Variants in ATAD2B observed in about 807,000 individuals in gnomAD.
ATAD2B encodes the protein ATPase family AAA domain containing 2B.
In ATAD2B, 40 loss-of-function variants were observed where a neutral mutation model predicts 167.6. The observed-to-expected ratio is 0.24, with a 90% CI of 0.19 to 0.31. ATAD2B has a LOEUF of 0.31. Among genes scored for constraint, ATAD2B ranks in the 10% least tolerant of loss-of-function variants. ATAD2B has a pLI of 1.00. For synonymous variants in ATAD2B, 579 were observed against 596.5 expected (o/e 0.97, Z 0.43); for missense variants, 1,242 against 1,757.2 (o/e 0.71, Z 5.24).
intron 13 of ATAD2B, among the ~76,000 whole-genome samples, chr2:23,850,374 G>A (rs1371043101): frequency 6.6e-6 from 1 of 152,090 alleles, no homozygotes; most frequent in Non-Finnish European, 1.5e-5. Flanking sequence ...GTGGGATGTA[G>A]CTAAAGCATT....
chr2:23,842,344 G>C (rs1459132836), intron 13 of ATAD2B, among the ~76,000 whole-genome samples: 1 of 152,030 alleles, frequency 6.6e-6, no homozygotes, highest in African/African-American at 2.4e-5. Context: ...TCTACTTGCA[G>C]GTTATAATAA....
At chr2:23,912,913 T>C (rs1479577594) in intron 1 of ATAD2B, among the ~76,000 whole-genome samples, 1 of 152,124 alleles carries the variant, frequency 6.6e-6, no homozygotes, top group African/African-American at 2.4e-5. Flanking sequence ...GGAGAATCAC[T>C]GGAAACCAGG....
chr2:23,869,150 G>A (rs1014751799), intron 9 of ATAD2B, among the ~76,000 whole-genome samples: 3 of 152,060 alleles, frequency 2.0e-5, no homozygotes, highest in Non-Finnish European at 4.4e-5. Context: ...AAAATTCTCT[G>A]AGGTTTTAGT....
At chr2:23,699,445 C>G in the ATAD2B span, among the ~76,000 whole-genome samples, 1 of 151,978 alleles carries the variant, frequency 6.6e-6, no homozygotes, top group Non-Finnish European at 1.5e-5. Context: ...AGACCAGCCC[C>G]CAAGGAACCC....
At chr2:23,713,473 T>C in the ATAD2B span, among the ~76,000 whole-genome samples, 1 of 151,932 alleles carries the variant, frequency 6.6e-6, no homozygotes, top group Non-Finnish European at 1.5e-5. Context: ...TTTAAAGTGG[T>C]TTTTCAGTAT....
At chr2:23,894,288 C>A (rs1191903559) in intron 2 of ATAD2B, among the ~76,000 whole-genome samples, 1 of 151,748 alleles carries the variant, frequency 6.6e-6, no homozygotes, top group Admixed American at 6.6e-5. Context: ...TCAAGACCAG[C>A]CTGACCAACA....
At chr2:23,700,136 T>C in the ATAD2B span, among the ~76,000 whole-genome samples, 2 of 152,216 alleles carry the variant, frequency 1.3e-5, no homozygotes, top group African/African-American at 4.8e-5. The surrounding 1 kb of genome is among the most constrained non-coding windows in gnomAD (Gnocchi z 4.6). Context: ...GTCTCTTTCA[T>C]ACACATTTAA....
At chr2:23,714,833 T>A in the ATAD2B span, among the ~76,000 whole-genome samples, 3 of 151,144 alleles carry the variant, frequency 2.0e-5, no homozygotes, top group African/African-American at 7.3e-5. Context: ...CCAGCCTGAG[T>A]GACAGAGCAA....
At chr2:23,791,380 C>G (rs1180147731) in intron 19 of ATAD2B, among the ~76,000 whole-genome samples, 1 of 152,048 alleles carries the variant, frequency 6.6e-6, no homozygotes, top group Non-Finnish European at 1.5e-5. Flanking sequence ...ATCCCACCAG[C>G]AGTATATAAG....
chr2:23,680,420 C>A, the ATAD2B span, among the ~76,000 whole-genome samples: 1 of 152,204 alleles, frequency 6.6e-6, no homozygotes, highest in South Asian at 2.1e-4. The surrounding 1 kb of genome is among the most constrained non-coding windows in gnomAD (Gnocchi z 4.1). Context: ...GGGGAAGCCA[C>A]TTCCGTGAGC....
the ATAD2B span, among the ~76,000 whole-genome samples, chr2:23,717,826 GAAC>G: frequency 6.6e-6 from 1 of 152,042 alleles, no homozygotes. Flanking sequence ...GGAAATGAAA[GAAC>G]AATATAACCC....
At chr2:23,906,067 T>C (rs115773071) in intron 1 of ATAD2B, among the ~76,000 whole-genome samples, 3,365 of 152,234 alleles carry the variant, frequency 0.022, 137 homozygotes, top group African/African-American at 0.077. Context: ...CTGGGTGCGG[T>C]GGCTCACACC....
chr2:23,837,992 C>G lies in ATAD2B; in HGVS notation c.1569-3914G>C, dbSNP rs1690280504. ...CTTTCTAGTGTTTTCCAACTGCTCT[C>G]ATTTCTATTCCTTTACTCTTATTGC... On this transcript the variant is annotated intron_variant, in intron 13 of 27. Transcript: ENST00000238789. Among the ~76,000 whole-genome samples the G allele has an allele frequency of 2.0e-5, 3 of 152,166 alleles. No individual in the cohort carries two copies. The South Asian group carries it at 6.2e-4, about 32-fold the overall frequency.
chr2:23,926,455 G>T (rs1479411337), intron 1 of ATAD2B, 100 bp downstream of exon 1: 3 of 1,451,466 alleles, frequency 2.1e-6, no homozygotes, highest in Admixed American at 2.6e-5. Flanking sequence ...CGCCCGAGCG[G>T]TCTCCACTGT....
At chr2:23,714,289 G>T in the ATAD2B span, among the ~76,000 whole-genome samples, 4 of 150,100 alleles carry the variant, frequency 2.7e-5, no homozygotes, top group East Asian at 3.9e-4. Context: ...GCCTAGACTG[G>T]AGTGCAGTGG....
intron 1 of ATAD2B, among the ~76,000 whole-genome samples, chr2:23,914,767 C>CG (rs751033372): frequency 4.0e-5 from 6 of 150,362 alleles, no homozygotes; most frequent in South Asian, 4.2e-4. Flanking sequence ...GCGTGAACCC[C>CG]GGGGGGCGGA....
At chr2:23,880,517 C>T in intron 7 of ATAD2B, 122 bp downstream of exon 7, 2 of 611,132 alleles carry the variant, frequency 3.3e-6, no homozygotes, top group South Asian at 2.1e-5. Context: ...GAACTGGGAT[C>T]GCACCACTGC....
chr2:23,781,000 T>C (rs1019593612), intron 22 of ATAD2B, among the ~76,000 whole-genome samples: 1 of 152,118 alleles, frequency 6.6e-6, no homozygotes, highest in African/African-American at 2.4e-5. Context: ...TTTTTTTTAG[T>C]ATTACCTATC....
chr2:23,923,669 C>T (rs1704282795), intron 1 of ATAD2B, among the ~76,000 whole-genome samples: 1 of 150,740 alleles, frequency 6.6e-6, no homozygotes, highest in Non-Finnish European at 1.5e-5. Flanking sequence ...AAAGGCTTTT[C>T]ATACCGAAAA....
Sources: gnomAD v4.1 joint callset for allele counts (sites outside exome capture counted in the v4.1 genomes callset) on GRCh38, gnomAD v4.1.1 for gene constraint, Gnocchi (gnomAD v3.1) non-coding constraint, MANE v1.5 for transcripts, NCBI Gene and HGNC (gene_info 2026-07-23, HGNC 2026-07-21) for gene names.